DAB1: variants seen among roughly 807,000 people sequenced by gnomAD.
The protein encoded by DAB1 is DAB adaptor protein 1, also known as disabled homolog 1.
A neutral mutation model predicts 64.6 loss-of-function variants in DAB1; 15 were observed. That is an observed-to-expected ratio of 0.23 (90% confidence interval 0.16 to 0.36). DAB1 has a LOEUF of 0.36. DAB1 is among the 10% of genes least tolerant of loss of function. DAB1 has a pLI of 1.00. For synonymous variants in DAB1, 235 were observed against 251.9 expected (o/e 0.93, Z 0.64); for missense variants, 596 against 706.7 (o/e 0.84, Z 1.78).
At chr1:58,406,456 T>C (rs849483) in intron 3 of DAB1, among the ~76,000 whole-genome samples, 17,931 of 152,304 alleles carry the variant, frequency 0.12, 1,238 homozygotes, top group East Asian at 0.24. Flanking sequence ...GAGGACATGA[T>C]CCAGCCCTGG....
chr1:57,061,613 A>G (rs1375149997), intron 9 of DAB1, among the ~76,000 whole-genome samples: 1 of 152,214 alleles, frequency 6.6e-6, no homozygotes, highest in African/African-American at 2.4e-5. Flanking sequence ...CACTGGTCTC[A>G]GTTCCAGGAC....
At chr1:57,987,289 T>C (rs998724120) in intron 5 of DAB1, among the ~76,000 whole-genome samples, 5 of 152,178 alleles carry the variant, frequency 3.3e-5, no homozygotes, top group Non-Finnish European at 7.3e-5. Context: ...ACATCCGGGT[T>C]CTATTTTCTA....
At chr1:57,125,781 G>T (rs1357331359) in intron 4 of DAB1, among the ~76,000 whole-genome samples, 1 of 152,198 alleles carries the variant, frequency 6.6e-6, no homozygotes, top group Non-Finnish European at 1.5e-5. Flanking sequence ...AAAGTGGGTT[G>T]TATCACTGAA....
chr1:57,829,460 G>C (rs938315806), intron 1 of DAB1, among the ~76,000 whole-genome samples: 1 of 152,166 alleles, frequency 6.6e-6, no homozygotes, highest in Non-Finnish European at 1.5e-5. Flanking sequence ...TATCTTACAA[G>C]ACTGCTATTA....
intron 2 of DAB1, among the ~76,000 whole-genome samples, chr1:57,247,090 C>A (rs1036383560): frequency 2.6e-5 from 4 of 151,992 alleles, no homozygotes; most frequent in Non-Finnish European, 5.9e-5. Flanking sequence ...TGGGAGACTG[C>A]TGGGAAGGCA....
intron 4 of DAB1, among the ~76,000 whole-genome samples, chr1:57,125,656 A>G (rs1029437911): frequency 6.6e-6 from 1 of 152,190 alleles, no homozygotes; most frequent in Non-Finnish European, 1.5e-5. Flanking sequence ...AAGATCATCA[A>G]TAAGACCAAA....
intron 5 of DAB1, among the ~76,000 whole-genome samples, chr1:58,061,419 C>T (rs370965583): frequency 1.3e-5 from 2 of 152,178 alleles, no homozygotes; most frequent in East Asian, 3.9e-4. Context: ...TCTCCTCTAG[C>T]TTCTTACAGT....
chr1:57,521,589 A>C (rs539111110), intron 7 of DAB1, among the ~76,000 whole-genome samples: 1 of 152,224 alleles, frequency 6.6e-6, no homozygotes, highest in Non-Finnish European at 1.5e-5. Context: ...AGGTAAACTT[A>C]ATGGACCAAA....
chr1:57,888,117 C>T (rs183737137), upstream of DAB1, among the ~76,000 whole-genome samples: 14 of 152,264 alleles, frequency 9.2e-5, no homozygotes, highest in East Asian at 2.7e-3. Flanking sequence ...CCGACCACGA[C>T]ATTGGATGAT....
chr1:57,551,557 G>T (rs1278700004), intron 7 of DAB1, among the ~76,000 whole-genome samples: 1 of 152,146 alleles, frequency 6.6e-6, no homozygotes, highest in Non-Finnish European at 1.5e-5. Context: ...AACCACTTCG[G>T]CTTCCCTCTC....
chr1:57,914,806 C>T (rs1007481544), intron 5 of DAB1, among the ~76,000 whole-genome samples: 4 of 152,140 alleles, frequency 2.6e-5, no homozygotes, highest in African/African-American at 4.8e-5. Context: ...TTGAGCCTGA[C>T]ATAAATGATT....
At chr1:57,611,496 T>C (rs1266900014) in intron 7 of DAB1, among the ~76,000 whole-genome samples, 1 of 152,210 alleles carries the variant, frequency 6.6e-6, no homozygotes, top group East Asian at 1.9e-4. Context: ...AAGTTATTGA[T>C]AAAATTTGCA....
At chr1:57,416,131 A>G (rs1684474901) in intron 1 of DAB1, among the ~76,000 whole-genome samples, 1 of 152,084 alleles carries the variant, frequency 6.6e-6, no homozygotes, top group South Asian at 2.1e-4. Context: ...TTCTTCACCA[A>G]TATTCTGCCA....
intron 5 of DAB1, among the ~76,000 whole-genome samples, chr1:57,933,788 A>G (rs2102040548): frequency 6.6e-6 from 1 of 152,312 alleles, no homozygotes; most frequent in African/African-American, 2.4e-5. Context: ...CCAGTTTTAT[A>G]AGAAACTAAC....
At chr1:58,006,823 GATT>G (rs1310006009) in intron 5 of DAB1, among the ~76,000 whole-genome samples, 1 of 152,184 alleles carries the variant, frequency 6.6e-6, no homozygotes, top group Admixed American at 6.5e-5. Context: ...GAAACATGTG[GATT>G]CTGAAAGGGA....
intron 12 of DAB1, 134 bp downstream of exon 12, chr1:57,014,749 T>C (rs1411559305): frequency 2.2e-5 from 14 of 623,870 alleles, no homozygotes; most frequent in Non-Finnish European, 3.2e-5. Flanking sequence ...ATAGTAGTAT[T>C]ACTAGTAATA....
chr1:58,333,055 G>A (rs998225162), intron 4 of DAB1, among the ~76,000 whole-genome samples: 21 of 152,102 alleles, frequency 1.4e-4, no homozygotes, highest in African/African-American at 4.1e-4. Flanking sequence ...GATTACAGGC[G>A]TGTGCCACCA....
intron 1 of DAB1, among the ~76,000 whole-genome samples, chr1:57,313,739 C>T (rs1674940092): frequency 6.6e-6 from 1 of 152,158 alleles, no homozygotes; most frequent in Non-Finnish European, 1.5e-5. Flanking sequence ...TTTCCATAGA[C>T]AATGTTTATG....
chr1:58,332,392 A>G (rs1213415525), intron 4 of DAB1, among the ~76,000 whole-genome samples: 4 of 152,080 alleles, frequency 2.6e-5, no homozygotes, highest in Non-Finnish European at 5.9e-5. Context: ...GCTTTTCTCC[A>G]TACAGGAATA....
Sources: gnomAD v4.1 joint callset for allele counts (sites outside exome capture counted in the v4.1 genomes callset) on GRCh38, gnomAD v4.1.1 for gene constraint, MANE v1.5 for transcripts, NCBI Gene and HGNC (gene_info 2026-07-23, HGNC 2026-07-21) for gene names.